LPXN: variants seen among roughly 807,000 people sequenced by gnomAD.
The protein encoded by LPXN is leupaxin.
A neutral mutation model predicts 45.6 loss-of-function variants in LPXN; 28 were observed. The observed-to-expected ratio is 0.61, with a 90% CI of 0.45 to 0.84. The LOEUF is 0.84. Ranked by LOEUF, LPXN falls within the 40% of genes least tolerant of loss-of-function variation. LPXN has a pLI of 0.00. For synonymous variants in LPXN, 166 were observed against 169.9 expected (o/e 0.98, Z 0.18); for missense variants, 459 against 475.0 (o/e 0.97, Z 0.31).
chr11:58,563,573 A>G (rs1854441784), intron 3 of LPXN, among the ~76,000 whole-genome samples: 3 of 152,240 alleles, frequency 2.0e-5, no homozygotes. Flanking sequence ...GGAGAGAATA[A>G]GTAAGTTAAT....
intron 3 of LPXN, among the ~76,000 whole-genome samples, chr11:58,562,203 T>A (rs1263317897): frequency 2.0e-5 from 3 of 152,382 alleles, no homozygotes; most frequent in Admixed American, 2.0e-4. Flanking sequence ...TTGCTCATGT[T>A]GCTATTGATA....
At chr11:58,534,503 C>A (rs111309986) in intron 7 of LPXN, among the ~76,000 whole-genome samples, 22,791 of 152,138 alleles carry the variant, frequency 0.15, 1,896 homozygotes, top group Middle Eastern at 0.2. Context: ...GTACCAGAAT[C>A]TCTGGGACAC....
intron 7 of LPXN, among the ~76,000 whole-genome samples, chr11:58,544,337 A>G (rs184415445): frequency 6.6e-6 from 1 of 152,292 alleles, no homozygotes; most frequent in Admixed American, 6.5e-5. Context: ...TGAGTTTTTG[A>G]TTCAATGGGT....
chr11:58,561,808 T>C (rs891181704), intron 3 of LPXN, among the ~76,000 whole-genome samples: 2 of 152,254 alleles, frequency 1.3e-5, no homozygotes, highest in African/African-American at 4.8e-5. Context: ...TAGATCATTG[T>C]TATAATACTC....
At chr11:58,545,769 C>T (rs564431629) in intron 7 of LPXN, among the ~76,000 whole-genome samples, 1 of 152,146 alleles carries the variant, frequency 6.6e-6, no homozygotes, top group Non-Finnish European at 1.5e-5. Context: ...AAACATGGAA[C>T]TTGCAGAAAT....
chr11:58,543,612 T>G (rs910182247), intron 7 of LPXN, among the ~76,000 whole-genome samples: 1 of 152,110 alleles, frequency 6.6e-6, no homozygotes, highest in Non-Finnish European at 1.5e-5. Context: ...GCTTAGAGAA[T>G]TTACACCTGA....
At chr11:58,540,545 TC>T (rs1296196901) in intron 7 of LPXN, among the ~76,000 whole-genome samples, 2 of 152,190 alleles carry the variant, frequency 1.3e-5, no homozygotes, top group Non-Finnish European at 2.9e-5. Flanking sequence ...TTCTTAATAT[TC>T]CAGCAAGAAA....
At chr11:58,558,862 A>G (rs1854291285) in intron 3 of LPXN, among the ~76,000 whole-genome samples, 1 of 151,942 alleles carries the variant, frequency 6.6e-6, no homozygotes, top group African/African-American at 2.4e-5. Context: ...AATTTGGGGT[A>G]ATGAAGGTTT....
At chr11:58,576,969 T>C (rs1854910209), upstream of LPXN, among the ~76,000 whole-genome samples, 1 of 152,146 alleles carries the variant, frequency 6.6e-6, no homozygotes, top group Admixed American at 6.5e-5. Flanking sequence ...ATTTTTATTT[T>C]TTATGTAGAG....
chr11:58,530,010 A>G (rs1190093971), intron 7 of LPXN, among the ~76,000 whole-genome samples: 2 of 152,224 alleles, frequency 1.3e-5, no homozygotes, highest in Non-Finnish European at 2.9e-5. Context: ...CGGCCCAGAT[A>G]CTGTGCTTTT....
Position 58,528,148 on chromosome 11 carries a change from G to C in LPXN, c.786C>G (p.Phe262Leu). ...CACACTTGGGTGAGAACATGGCTAA[G>C]AAATCCTTTCGGCAATATGGCTTCT... is the stretch of plus-strand genomic sequence containing the variant. ...KDKKPYCRKD[F>L]LAMFSPKCGG... is the part of the protein sequence containing the mutation. Residue 262 changes from phenylalanine (F) to leucine (L), a missense_variant, in exon 8 of 9, where the codon TTC becomes TTG. Coordinates refer to ENST00000395074, the MANE Select transcript of LPXN (RefSeq NM_004811.3). 6.2e-7 allele frequency: 1 copy of C among 1,614,242 alleles called. No individual in the cohort carries two copies. The highest frequency in any genetic ancestry group is 8.5e-7 in the Non-Finnish European group (1 of 1,180,050).
intron 3 of LPXN, among the ~76,000 whole-genome samples, chr11:58,559,157 A>C (rs546207094): frequency 6.6e-6 from 1 of 152,198 alleles, no homozygotes; most frequent in South Asian, 2.1e-4. Flanking sequence ...ATATTTACCT[A>C]TTAGTTGAAA....
rs17152733 is a variant in LPXN at position 58,543,832 on chromosome 11, T to A, written c.742+5954A>T. On this transcript the variant is annotated intron_variant, in intron 7 of 8. Transcript: ENST00000395074. ...GCATGTAAGCAAAGCATGCACAGTG[T>A]TCTGTAAAGCAGACTATCTAGAAAA... 7.1e-3 allele frequency among the ~76,000 whole-genome samples: 1,086 copies of A among 152,286 alleles called. 10 individuals are homozygous for A. The highest frequency in any genetic ancestry group is 0.02 in the Middle Eastern group (6 of 294).
chr11:58,559,243 C>A (rs1263187596), intron 3 of LPXN, among the ~76,000 whole-genome samples: 1 of 151,764 alleles, frequency 6.6e-6, no homozygotes. Flanking sequence ...TTATATATAC[C>A]ATAGGTGGTT....
intron 2 of LPXN, among the ~76,000 whole-genome samples, chr11:58,564,986 G>A (rs1033016719): frequency 6.6e-6 from 1 of 152,174 alleles, no homozygotes; most frequent in Admixed American, 6.5e-5. Context: ...GAGAAGGAGA[G>A]TGTGGCCTGA....
chr11:58,554,580 T>C (rs1054088515), intron 4 of LPXN, among the ~76,000 whole-genome samples: 2 of 152,218 alleles, frequency 1.3e-5, no homozygotes, highest in Non-Finnish European at 1.5e-5. Context: ...TTATGCCTCA[T>C]TTTGCCAAGC....
At chr11:58,575,396 A>G (rs979451108) in intron 1 of LPXN, among the ~76,000 whole-genome samples, 2 of 152,022 alleles carry the variant, frequency 1.3e-5, no homozygotes, top group African/African-American at 4.8e-5. Context: ...TCCTCAAATC[A>G]TATCTCTGCA....
At position 58,554,586 on chromosome 11, in the gene LPXN, C is replaced by A. The variant is rs1854147399; in HGVS notation, c.318+255G>T. Among the ~76,000 whole-genome samples the A allele has an allele frequency of 2.0e-5, 3 of 152,136 alleles. No individual in the cohort carries two copies. The South Asian group carries it at 6.2e-4, about 32-fold the overall frequency. ...TTAAGAAACTTATGCCTCATTTTGCCAAGCACACTCCAGCTCCTTGAGATC... is the reference window on the plus strand; with the variant it reads ...TTAAGAAACTTATGCCTCATTTTGCAAAGCACACTCCAGCTCCTTGAGATC... On this transcript the variant is annotated intron_variant, in intron 4 of 8. Transcript: ENST00000395074.
chr11:58,566,799 T>C (rs963738724), intron 2 of LPXN, among the ~76,000 whole-genome samples: 25 of 152,318 alleles, frequency 1.6e-4, no homozygotes, highest in Admixed American at 1.6e-3. Flanking sequence ...AATTTCCAAC[T>C]GGTCTTGAAC....
Sources: allele counts gnomAD v4.1 joint callset (sites outside exome capture counted in the v4.1 genomes callset), GRCh38; gene constraint gnomAD v4.1.1; transcripts MANE v1.5; gene names NCBI Gene and HGNC (gene_info 2026-07-23, HGNC 2026-07-21).